The following SGCG variants were observed in gnomAD, a reference collection of about 807,000 sequenced individuals.
SGCG encodes sarcoglycan gamma, also known as gamma-sarcoglycan.
SGCG carries 26 observed loss-of-function variants against 29.3 expected under a neutral mutation model. The observed-to-expected ratio is 0.89, with a 90% CI of 0.65 to 1.23. The LOEUF is 1.23. SGCG is among the 50% of genes most tolerant of loss of function. SGCG has a pLI of 0.00. For synonymous variants in SGCG, 145 were observed against 129.7 expected, an observed-to-expected ratio of 1.12 and a Z score of -0.80; for missense variants, 353 against 356.0, an observed-to-expected ratio of 0.99 and a Z score of 0.07.
At chr13:23,243,336 C>T (rs556037470) in intron 3 of SGCG, among the ~76,000 whole-genome samples, 2 of 152,276 alleles carry the variant, frequency 1.3e-5, no homozygotes, top group African/African-American at 4.8e-5. Flanking sequence ...ATCCAAGACA[C>T]ACAGCCGGGA....
At chr13:23,188,958 G>C (rs1464918717) in intron 1 of SGCG, among the ~76,000 whole-genome samples, 1 of 152,154 alleles carries the variant, frequency 6.6e-6, no homozygotes, top group Non-Finnish European at 1.5e-5. Flanking sequence ...CGATACCTCT[G>C]GTTTTCTAGA....
intron 3 of SGCG, among the ~76,000 whole-genome samples, chr13:23,242,845 C>A (rs1179799393): frequency 6.6e-6 from 1 of 151,722 alleles, no homozygotes; most frequent in Non-Finnish European, 1.5e-5. Context: ...TATTTTAATA[C>A]AATAAAAATA....
chr13:23,204,856 ATTC>A (rs1333870786), intron 2 of SGCG, among the ~76,000 whole-genome samples: 4 of 151,438 alleles, frequency 2.6e-5, no homozygotes, highest in Admixed American at 6.6e-5. Flanking sequence ...ACCTTCTATT[ATTC>A]TTCTTCTTCA....
chr13:23,168,427 G>T, the SGCG span, among the ~76,000 whole-genome samples: 1 of 152,148 alleles, frequency 6.6e-6, no homozygotes, highest in East Asian at 1.9e-4. Flanking sequence ...CCTGTTCATG[G>T]TGGTATCCTC....
Position 23,250,702 on chromosome 13 carries a change from G to A in SGCG, c.370G>A (p.Gly124Ser). Residue 124 changes from glycine (G) to serine (S), a missense_variant, in exon 4 of 8, where the codon GGC becomes AGC. By Grantham distance (56) the Gly-to-Ser change is moderately conservative. Transcript: ENST00000218867. ...GCGCAACTCAGAAGGGGAGGTCACA[G>A]GCAGGTTAAAAGTCGGTGAGTCCAG... ...NARNSEGEVT[G>S]RLKVGPKMVE... is the part of the protein sequence containing the mutation. The A allele has an allele frequency of 6.2e-7, 1 of 1,610,718 alleles. No individual in the cohort carries two copies. The highest frequency in any genetic ancestry group is 1.1e-5 in the South Asian group (1 of 90,918).
intron 4 of SGCG, among the ~76,000 whole-genome samples, chr13:23,274,753 C>T (rs1302575743): frequency 2.0e-5 from 3 of 151,996 alleles, no homozygotes; most frequent in South Asian, 2.1e-4. Flanking sequence ...TGAAACTATT[C>T]CTTAGAGTAT....
chr13:23,174,798 T>C, the SGCG span, among the ~76,000 whole-genome samples: 83 of 152,306 alleles, frequency 5.4e-4, no homozygotes, highest in Non-Finnish European at 1.1e-3. Flanking sequence ...GTTATAAAAA[T>C]GTGAACACCG....
At chr13:23,222,894 T>A (rs1473551103) in intron 2 of SGCG, among the ~76,000 whole-genome samples, 1 of 152,146 alleles carries the variant, frequency 6.6e-6, no homozygotes, top group African/African-American at 2.4e-5. Context: ...TATATTATTA[T>A]CTCTTTTTTA....
intron 6 of SGCG, among the ~76,000 whole-genome samples, chr13:23,304,148 C>T (rs967764851): frequency 6.6e-6 from 1 of 152,012 alleles, no homozygotes; most frequent in Admixed American, 6.6e-5. Context: ...GCCCTTCATC[C>T]CTGATATATG....
At chr13:23,294,946 CT>C (rs763918694) in intron 5 of SGCG, among the ~76,000 whole-genome samples, 3 of 152,200 alleles carry the variant, frequency 2.0e-5, no homozygotes, top group Non-Finnish European at 2.9e-5. Context: ...ATACTGATTT[CT>C]AGGAATTAGA....
the SGCG span, among the ~76,000 whole-genome samples, chr13:23,164,433 C>T: frequency 3.3e-5 from 5 of 152,018 alleles, no homozygotes; most frequent in African/African-American, 4.8e-5. Flanking sequence ...TCATTTAACA[C>T]GGAAGGAAAC....
intron 2 of SGCG, among the ~76,000 whole-genome samples, chr13:23,214,224 A>G (rs947678473): frequency 6.6e-6 from 1 of 152,088 alleles, no homozygotes; most frequent in Non-Finnish European, 1.5e-5. Context: ...GTTTTCCTAC[A>G]CATTGTTAAA....
At chr13:23,266,061 A>C (rs929063665) in intron 4 of SGCG, among the ~76,000 whole-genome samples, 2 of 152,166 alleles carry the variant, frequency 1.3e-5, no homozygotes, top group African/African-American at 4.8e-5. Context: ...GATATACCTG[A>C]GGTCAGGAGT....
At chr13:23,227,419 T>A (rs2137536099) in intron 2 of SGCG, among the ~76,000 whole-genome samples, 1 of 152,194 alleles carries the variant, frequency 6.6e-6, no homozygotes, top group South Asian at 2.1e-4. Flanking sequence ...TGGTGTGGCC[T>A]CTTTGGAAAA....
At chr13:23,163,859 A>G in the SGCG span, among the ~76,000 whole-genome samples, 3 of 152,230 alleles carry the variant, frequency 2.0e-5, no homozygotes, top group South Asian at 2.1e-4. Flanking sequence ...GGCTAAAACT[A>G]AGTAATAAAG....
chr13:23,188,447 T>C (rs1877087169), intron 1 of SGCG, among the ~76,000 whole-genome samples: 1 of 149,250 alleles, frequency 6.7e-6, no homozygotes, highest in Non-Finnish European at 1.5e-5. Flanking sequence ...TGCCTCAGTC[T>C]CTGGAGTAGT....
At chr13:23,252,486 T>A (rs950419483) in intron 4 of SGCG, among the ~76,000 whole-genome samples, 20 of 151,860 alleles carry the variant, frequency 1.3e-4, no homozygotes, top group Non-Finnish European at 2.5e-4. Context: ...GGTCAGGAGA[T>A]CAAGACCATC....
chr13:23,324,810 T>A lies in SGCG; in HGVS notation c.*269T>A. On this transcript the variant is annotated 3_prime_UTR_variant, in exon 8 of 8. Coordinates refer to ENST00000218867, the MANE Select transcript of SGCG (RefSeq NM_000231.3). Reference sequence around the variant, plus strand: ...AATTTTCACCGGAACAATTGCGAATTCTCTCTGCCTCGCCTCCCCCTATCT... The same window carrying A: ...AATTTTCACCGGAACAATTGCGAATACTCTCTGCCTCGCCTCCCCCTATCT... The A allele has an allele frequency of 2.3e-6, 1 of 442,436 alleles. No individual in the cohort carries two copies. Among genetic ancestry groups the A allele is most frequent in the Non-Finnish European group, 4.2e-6 (1 of 236,740 alleles). The allele number at this position is 442,436 out of a possible 1,614,324, so 27.4% of individuals were successfully genotyped here.
At chr13:23,242,846 A>C (rs1169234851) in intron 3 of SGCG, among the ~76,000 whole-genome samples, 1 of 152,152 alleles carries the variant, frequency 6.6e-6, no homozygotes, top group Non-Finnish European at 1.5e-5. Flanking sequence ...ATTTTAATAC[A>C]ATAAAAATAG....
Sources: gnomAD v4.1 joint callset for allele counts (sites outside exome capture counted in the v4.1 genomes callset) on GRCh38, gnomAD v4.1.1 for gene constraint, MANE v1.5 for transcripts, NCBI Gene and HGNC (gene_info 2026-07-23, HGNC 2026-07-21) for gene names.